KIAA0319: variants seen among roughly 807,000 people sequenced by gnomAD.
KIAA0319 encodes the protein KIAA0319.
Under a neutral mutation model 108.4 loss-of-function variants are expected in KIAA0319, and 83 were observed. The ratio of observed to expected loss-of-function variants is 0.77; its 90% CI spans 0.64 to 0.92. The LOEUF (loss-of-function observed/expected upper bound fraction) is 0.92. KIAA0319 is among the 40% of genes least tolerant of loss of function. The pLI is 0.00. For synonymous variants in KIAA0319, 484 were observed against 510.4 expected (o/e 0.95, Z 0.70); for missense variants, 1,195 against 1,322.4 (o/e 0.90, Z 1.49).
rs1760670293 is a variant in KIAA0319, at chr6:24,546,666, C to A, written c.*499G>T. Reference sequence around the variant, plus strand: ...TGCCGTCAGCACAGAAAGCTTGCTACATGCAAGACTCCGTACCTCCACAGA... The same window carrying A: ...TGCCGTCAGCACAGAAAGCTTGCTAAATGCAAGACTCCGTACCTCCACAGA... On this transcript the variant is annotated 3_prime_UTR_variant, in exon 21 of 21. Coordinates refer to ENST00000378214, the MANE Select transcript of KIAA0319 (RefSeq NM_014809.4). 1 of 156,622 alleles carries A rather than the reference C, an allele frequency of 6.4e-6. No individual in the cohort carries two copies. The highest frequency in any genetic ancestry group is 1.4e-5 in the Non-Finnish European group (1 of 70,622). 9.7% of individuals were successfully genotyped at this position (156,622 alleles called of 1,614,324 possible). A position where few individuals can be genotyped will look rare whatever the true frequency, so the allele number is the denominator to read the frequency against.
At chr6:24,635,774 G>C (rs747668099) in intron 1 of KIAA0319, among the ~76,000 whole-genome samples, 1 of 152,186 alleles carries the variant, frequency 6.6e-6, no homozygotes, top group African/African-American at 2.4e-5. Flanking sequence ...AGCCTCCAGA[G>C]GAGACTGCTT....
intron 2 of KIAA0319, among the ~76,000 whole-genome samples, chr6:24,597,114 T>C (rs1218572859): frequency 6.6e-6 from 1 of 152,218 alleles, no homozygotes; most frequent in Non-Finnish European, 1.5e-5. Flanking sequence ...CATTTGTTAT[T>C]TTTTCATATA....
At chr6:24,579,795 C>T (rs1458507701) in intron 8 of KIAA0319, 63 bp downstream of exon 8, 1 of 1,299,844 alleles carries the variant, frequency 7.7e-7, no homozygotes, top group Non-Finnish European at 1.1e-6. Flanking sequence ...ATGCAGAGCA[C>T]TCATTACATT....
rs201302072 is a variant in KIAA0319, at chr6:24,596,447, C to A, written c.227G>T (p.Arg76Leu). The change falls in exon 3 of 21, where the codon CGC becomes CTC. Residue 76 changes from arginine to leucine, a missense_variant. Physicochemically the swap from Arg to Leu is moderately radical, Grantham distance 102. Coordinates refer to ENST00000378214, the MANE Select transcript of KIAA0319 (RefSeq NM_014809.4). ...GTGGGGGCAGCTCACCAGGTAGCAG[C>A]GGCCCTCGAACCACCAGGCCAGGTC... The part of the protein sequence containing the change: ...SCDLAWWFEG[R>L]CYLVSCPHKE... The A allele has an allele frequency of 1.2e-4, 190 of 1,614,080 alleles. No homozygotes were observed. Among genetic ancestry groups the A allele is most frequent in the Non-Finnish European group, 1.5e-4 (181 of 1,180,042 alleles).
At chr6:24,553,586 G>A (rs1422988447) in intron 19 of KIAA0319, among the ~76,000 whole-genome samples, 3 of 151,986 alleles carry the variant, frequency 2.0e-5, no homozygotes, top group Non-Finnish European at 4.4e-5. Flanking sequence ...CTGATTATAG[G>A]TCATAAAACC....
rs560625316 is a variant in KIAA0319, at chr6:24,645,048, C to T, written c.-106+688G>A. Among the ~76,000 whole-genome samples the T allele has an allele frequency of 9.2e-5, 14 of 152,262 alleles. No homozygotes were observed. In the East Asian group the frequency reaches 2.7e-3, roughly 29 times the overall value. ...GCATTTGGAAAGTGAGCATGTATTT[C>T]AGGAATAAAGAAATAAATACCAACA... On this transcript the variant is annotated intron_variant, in intron 1 of 20. Transcript: ENST00000378214.
intron 1 of KIAA0319, among the ~76,000 whole-genome samples, chr6:24,602,616 C>T (rs937496755): frequency 1.4e-4 from 22 of 152,110 alleles, no homozygotes; most frequent in African/African-American, 3.1e-4. Flanking sequence ...CTGGCTAACA[C>T]GGTGAAACCC....
intron 13 of KIAA0319, among the ~76,000 whole-genome samples, chr6:24,568,461 T>A (rs1764208633): frequency 6.6e-6 from 1 of 152,202 alleles, no homozygotes; most frequent in Admixed American, 6.5e-5. Flanking sequence ...TCTCTTTTCT[T>A]GAATTTCCAA....
chr6:24,600,854 T>C (rs1770519545), intron 2 of KIAA0319, 195 bp downstream of exon 2: 1 of 800,804 alleles, frequency 1.2e-6, no homozygotes, highest in South Asian at 1.9e-5. Flanking sequence ...GGAATAGTCA[T>C]GATAAAAATA....
intron 3 of KIAA0319, 146 bp from the exon 4 acceptor site, chr6:24,588,931 T>G: frequency 1.5e-6 from 1 of 673,982 alleles, no homozygotes; most frequent in African/African-American, 1.8e-5. Context: ...TCTGGAACTC[T>G]AGACCATCTC....
At chr6:24,616,343 T>A (rs1447765023) in intron 1 of KIAA0319, among the ~76,000 whole-genome samples, 3 of 152,152 alleles carry the variant, frequency 2.0e-5, no homozygotes, top group African/African-American at 7.2e-5. Context: ...CTTACTGGAG[T>A]ATGATTTTTA....
intron 16 of KIAA0319, among the ~76,000 whole-genome samples, chr6:24,559,379 T>A (rs550032265): frequency 5.1e-4 from 78 of 152,238 alleles, no homozygotes; most frequent in Admixed American, 1.8e-3. Flanking sequence ...GATCTTCAGA[T>A]AAAAGAAGCA....
chr6:24,565,648 G>A (rs1352469360), intron 14 of KIAA0319, among the ~76,000 whole-genome samples: 1 of 151,212 alleles, frequency 6.6e-6, no homozygotes, highest in Admixed American at 6.6e-5. Context: ...AGCTACGCGG[G>A]AGGCTGAGGC....
At chr6:24,621,091 A>G (rs1046582253) in intron 1 of KIAA0319, among the ~76,000 whole-genome samples, 1 of 152,158 alleles carries the variant, frequency 6.6e-6, no homozygotes, top group African/African-American at 2.4e-5. Flanking sequence ...TCTCCCTTCC[A>G]TTATGTTTCC....
chr6:24,559,706 T>A (rs1762833528), intron 16 of KIAA0319, among the ~76,000 whole-genome samples: 1 of 152,250 alleles, frequency 6.6e-6, no homozygotes, highest in Non-Finnish European at 1.5e-5. Flanking sequence ...TTTTTACCTT[T>A]TTTTGATTGA....
rs576419308 is a variant in KIAA0319, at chr6:24,626,130, G to A, written c.-106+19606C>T. On this transcript the variant is annotated intron_variant, in intron 1 of 20. Transcript: ENST00000378214. ...TTGTACCATTCTATTTACATGAAAT[G>A]TCCAGAATACGCAAATCCATAGAGA... Among the ~76,000 whole-genome samples, 13 of 152,300 alleles carry A rather than the reference G, an allele frequency of 8.5e-5. No homozygotes were observed. In the South Asian group the frequency reaches 2.7e-3, roughly 32 times the overall value.
intron 18 of KIAA0319, among the ~76,000 whole-genome samples, chr6:24,554,923 T>C (rs1443140556): frequency 1.3e-5 from 2 of 152,206 alleles, no homozygotes; most frequent in African/African-American, 4.8e-5. Flanking sequence ...GTCAATTACA[T>C]AGTAATGCCT....
chr6:24,594,583 T>C, intron 3 of KIAA0319, among the ~76,000 whole-genome samples: 1 of 150,338 alleles, frequency 6.7e-6, no homozygotes, highest in Non-Finnish European at 1.5e-5. Context: ...GCCGAGATCA[T>C]GCCACTGTAC....
At chr6:24,614,412 T>C (rs1183588269) in intron 1 of KIAA0319, among the ~76,000 whole-genome samples, 1 of 152,176 alleles carries the variant, frequency 6.6e-6, no homozygotes, top group East Asian at 1.9e-4. Flanking sequence ...GAGGTCATTG[T>C]TCCCTCCTCT....
Sources: allele counts gnomAD v4.1 joint callset (sites outside exome capture counted in the v4.1 genomes callset), GRCh38; gene constraint gnomAD v4.1.1; transcripts MANE v1.5; gene names NCBI Gene and HGNC (gene_info 2026-07-23, HGNC 2026-07-21).